The following TBC1D15 variants were observed in gnomAD, a reference collection of about 807,000 sequenced individuals.
TBC1D15 encodes TBC1 domain family member 15, also known as GAP for RAB7.
Under a neutral mutation model 95.4 loss-of-function variants are expected in TBC1D15, and 39 were observed. That is an observed-to-expected ratio of 0.41 (90% CI 0.32 to 0.53). The LOEUF is 0.53. Ranked by LOEUF, TBC1D15 falls within the 20% of genes least tolerant of loss-of-function variation. TBC1D15 has a pLI of 0.29. For missense variants in TBC1D15, 733 were observed against 794.3 expected (o/e 0.92, Z 0.93); for synonymous variants, 258 against 261.3 (o/e 0.99, Z 0.12).
Position 71,920,725 on chromosome 12 carries a change from C to G in TBC1D15, c.1600-6C>G. ...ATTTGCAAAATAGTTCTTCTGCCTT[C>G]TATAGGTAATGTGGACCGAACTACC... On this transcript the variant is annotated splice_region_variant and splice_polypyrimidine_tract_variant and intron_variant, in intron 14 of 16. Transcript: ENST00000485960. The G allele has an allele frequency of 6.2e-7, 1 of 1,601,974 alleles. No individual in the cohort carries two copies. The highest frequency in any genetic ancestry group is 8.5e-7 in the Non-Finnish European group (1 of 1,170,540).
chr12:71,887,285 T>C (rs971202008), intron 5 of TBC1D15, among the ~76,000 whole-genome samples: 5 of 152,176 alleles, frequency 3.3e-5, no homozygotes, highest in African/African-American at 1.2e-4. Flanking sequence ...GATTACAGAA[T>C]AGAAAATACT....
In TBC1D15 at chr12:71,872,976, T is replaced by G. The variant is rs1893007357; in HGVS notation, c.177T>G (p.Asp59Glu). 3 of 1,609,624 alleles carry G rather than the reference T, an allele frequency of 1.9e-6. No homozygotes were observed. The highest frequency in any genetic ancestry group is 1.1e-5 in the South Asian group (1 of 90,188). ...VDWRPLDDAL[D>E]SSSILYARKD... ...GGAGACCATTGGATGATGCATTAGA[T>G]TCCTCTAGTATTCTCTATGCTAGAA... Residue 59 changes from aspartate (D) to glutamate (E), a missense_variant, in exon 3 of 17, where the codon GAT (aspartate) becomes GAG (glutamate). Asp to Glu is a conservative substitution (Grantham distance 45, BLOSUM62 2). Transcript: ENST00000485960.
intron 1 of TBC1D15, chr12:71,861,496 G>A: frequency 6.5e-7 from 1 of 1,533,594 alleles, no homozygotes; most frequent in Non-Finnish European, 8.8e-7. Flanking sequence ...GTAGGAGTAT[G>A]GTAGGTAGTC....
chr12:71,856,417 T>C (rs553342182), intron 1 of TBC1D15, among the ~76,000 whole-genome samples: 1 of 152,306 alleles, frequency 6.6e-6, no homozygotes, highest in East Asian at 1.9e-4. Context: ...GCTGATTCTT[T>C]GTAGAATTTG....
Position 71,842,301 on chromosome 12 carries a change from C to G in TBC1D15, c.30+2490C>G, listed in dbSNP as rs916982411. ...ACTAGTTTCAGAAATTATCTCCACA[C>G]ATTTACAAGCGACTTCAGTAAAATT... On this transcript the variant is annotated intron_variant, in intron 1 of 16. Transcript: ENST00000485960. Among the ~76,000 whole-genome samples, 4 of 152,212 alleles carry G rather than the reference C, an allele frequency of 2.6e-5. No homozygotes were observed. In the East Asian group the frequency reaches 7.7e-4, roughly 29 times the overall value.
At chr12:71,910,079 T>C (rs911813087) in intron 11 of TBC1D15, among the ~76,000 whole-genome samples, 2 of 152,090 alleles carry the variant, frequency 1.3e-5, no homozygotes, top group Non-Finnish European at 2.9e-5. Context: ...TTTCTACATA[T>C]GGCTAGCCAG....
At chr12:71,922,251 A>G (rs901427777) in intron 16 of TBC1D15, among the ~76,000 whole-genome samples, 1 of 152,034 alleles carries the variant, frequency 6.6e-6, no homozygotes, top group African/African-American at 2.4e-5. Context: ...TGCCTGGCTA[A>G]TTTTTGTATT....
chr12:71,849,164 A>AT, intron 1 of TBC1D15: 6 of 122,732 alleles, frequency 4.9e-5, no homozygotes, highest in Non-Finnish European at 6.3e-5. Flanking sequence ...CTGTGATTAT[A>AT]AAAAAAAAAA....
chr12:71,863,389 A>G (rs531567944), intron 1 of TBC1D15, among the ~76,000 whole-genome samples: 3 of 152,218 alleles, frequency 2.0e-5, no homozygotes, highest in South Asian at 4.1e-4. Flanking sequence ...AAAAAAAGAA[A>G]AGAAAAGAAA....
At chr12:71,854,866 ATT>A (rs1355487743) in intron 1 of TBC1D15, 3 of 455,970 alleles carry the variant, frequency 6.6e-6, no homozygotes, top group South Asian at 4.7e-5. Flanking sequence ...ATATTTTTTC[ATT>A]GTTGAATTTG....
chr12:71,920,811 A>G lies in TBC1D15; in HGVS notation c.1680A>G (p.Ile560Met), dbSNP rs942826710. ...TTCTGGAATCAGAAAAGCAGCAAAT[A>G]ATGGAAAAGCATTATGGCTTCAATG... is the stretch of plus-strand genomic sequence containing the variant. ...CAILESEKQQ[I>M]MEKHYGFNEI... Residue 560 changes from isoleucine to methionine, a missense_variant, in exon 15 of 17, where the codon ATA becomes ATG. Coordinates refer to ENST00000485960, the MANE Select transcript of TBC1D15 (RefSeq NM_001146213.3). The G allele has an allele frequency of 4.3e-6, 7 of 1,612,354 alleles. No homozygotes were observed. The highest frequency in any genetic ancestry group is 5.9e-6 in the Non-Finnish European group (7 of 1,179,342).
At chr12:71,876,467 A>T (rs1284482179) in intron 3 of TBC1D15, among the ~76,000 whole-genome samples, 1 of 152,064 alleles carries the variant, frequency 6.6e-6, no homozygotes, top group East Asian at 1.9e-4. Flanking sequence ...TTTCTTAGAT[A>T]CTCTTATCCC....
Position 71,850,468 on chromosome 12 carries a change from A to G in TBC1D15, c.30+10657A>G, listed in dbSNP as rs1049922588. On this transcript the variant is annotated intron_variant, in intron 1 of 16. Transcript: ENST00000485960. The stretch of plus-strand genomic sequence containing the variant: ...TGTTCTGTCGCCCAGGCTGAAGTGC[A>G]GTGATATGATCATAGCTCACTACAA... 4 of 222,068 alleles carry G rather than the reference A, an allele frequency of 1.8e-5. No individual in the cohort carries two copies. The South Asian group carries it at 2.4e-4, about 13-fold the overall frequency. 13.8% of individuals were successfully genotyped at this position (222,068 alleles called of 1,614,324 possible).
intron 10 of TBC1D15, among the ~76,000 whole-genome samples, chr12:71,902,920 C>CT (rs34085975): frequency 0.12 from 17,419 of 150,174 alleles, 1,175 homozygotes; most frequent in African/African-American, 0.16. Flanking sequence ...CATGAGCAGA[C>CT]TTTTTTTTTT....
intron 14 of TBC1D15, among the ~76,000 whole-genome samples, chr12:71,919,963 C>T (rs1246019787): frequency 1.9e-4 from 29 of 152,098 alleles, no homozygotes. Context: ...ATTAAACTTT[C>T]AACAATTGGG....
rs534995105 is a variant in TBC1D15 at position 71,848,447 on chromosome 12, G to C, written c.30+8636G>C. On this transcript the variant is annotated intron_variant, in intron 1 of 16. Transcript: ENST00000485960. ...CATTTCTGTAATGACTAATGGTGTT[G>C]AGTATTTTTCCATGTGCTTATTTGC... 1.4e-4 allele frequency among the ~76,000 whole-genome samples: 21 copies of C among 152,242 alleles called. No individual in the cohort carries two copies. The South Asian group carries it at 4.4e-3, about 32-fold the overall frequency.
intron 1 of TBC1D15, chr12:71,850,064 G>A (rs949673545): frequency 3.9e-6 from 2 of 518,688 alleles, no homozygotes; most frequent in South Asian, 3.4e-5. Flanking sequence ...AACAGCCATC[G>A]CTGTGAGTTT....
At chr12:71,916,363 C>T (rs1261631966) in intron 12 of TBC1D15, among the ~76,000 whole-genome samples, 3 of 152,136 alleles carry the variant, frequency 2.0e-5, no homozygotes, top group East Asian at 1.9e-4. Flanking sequence ...CAGCTCTAGT[C>T]TTTGACTGTG....
chr12:71,846,755 CT>C (rs10651326), intron 1 of TBC1D15, among the ~76,000 whole-genome samples: 191 of 111,176 alleles, frequency 1.7e-3, no homozygotes, highest in Non-Finnish European at 2.3e-3. Flanking sequence ...TTTTATACAG[CT>C]TTTTTTTTTT....
Sources: allele counts gnomAD v4.1 joint callset (sites outside exome capture counted in the v4.1 genomes callset), GRCh38; gene constraint gnomAD v4.1.1; transcripts MANE v1.5; gene names NCBI Gene and HGNC (gene_info 2026-07-23, HGNC 2026-07-21).